The following ASXL3 variants were observed in gnomAD, a reference collection of about 807,000 sequenced individuals.
ASXL3 encodes the protein putative Polycomb group protein ASXL3.
ASXL3 carries 34 observed loss-of-function variants against 170.6 expected under a neutral mutation model. The ratio of observed to expected loss-of-function variants is 0.20; its 90% CI spans 0.15 to 0.27. The LOEUF is 0.27. ASXL3 is among the 10% of genes least tolerant of loss of function. The pLI, the probability that ASXL3 is intolerant of heterozygous loss-of-function variation, is 1.00. For synonymous variants in ASXL3, 1,002 were observed against 989.1 expected (o/e 1.01, Z -0.24); for missense variants, 2,592 against 2,695.3 (o/e 0.96, Z 0.85).
intron 1 of ASXL3, among the ~76,000 whole-genome samples, chr18:33,590,111 G>GTTTTTTTTT (rs567969303): frequency 8.4e-5 from 7 of 83,160 alleles, no homozygotes; most frequent in African/African-American, 2.7e-4. Context: ...TGCTTTCTAT[G>GTTTTTTTTT]TTTTTTTTTT....
At chr18:33,645,705 T>A (rs2065905494) in intron 3 of ASXL3, among the ~76,000 whole-genome samples, 1 of 151,926 alleles carries the variant, frequency 6.6e-6, no homozygotes, top group South Asian at 2.1e-4. Context: ...AAGAAGTCTC[T>A]GCTTTAATAA....
intron 2 of ASXL3, among the ~76,000 whole-genome samples, chr18:33,612,190 T>A (rs2145133173): frequency 6.6e-6 from 1 of 151,876 alleles, no homozygotes. Flanking sequence ...TAAACATATA[T>A]ATATATATAC....
intron 2 of ASXL3, among the ~76,000 whole-genome samples, chr18:33,623,540 G>T (rs2065551221): frequency 6.6e-6 from 1 of 152,046 alleles, no homozygotes; most frequent in Admixed American, 6.6e-5. Flanking sequence ...CTTGAAAAAT[G>T]TTCTGTCAGT....
At chr18:33,728,689 C>G (rs545214187) in intron 8 of ASXL3, among the ~76,000 whole-genome samples, 1 of 152,166 alleles carries the variant, frequency 6.6e-6, no homozygotes, top group Non-Finnish European at 1.5e-5. Flanking sequence ...ACTTTACCTT[C>G]TTAATCCTGA....
intron 7 of ASXL3, among the ~76,000 whole-genome samples, chr18:33,674,257 A>C (rs1362607259): frequency 6.6e-6 from 1 of 152,198 alleles, no homozygotes; most frequent in South Asian, 2.1e-4. Flanking sequence ...AGGGAAATAC[A>C]AGAAATGACA....
chr18:33,667,484 T>C lies in ASXL3; in HGVS notation c.478-3189T>C, dbSNP rs577571401. 2.0e-3 allele frequency among the ~76,000 whole-genome samples: 308 copies of C among 152,330 alleles called. 1 individual carries two copies. The highest frequency in any genetic ancestry group is 3.6e-3 in the Non-Finnish European group (248 of 68,024). On this transcript the variant is annotated intron_variant, in intron 5 of 11. Coordinates refer to ENST00000269197, the MANE Select transcript of ASXL3 (RefSeq NM_030632.3). ...TTCTTTGCTTTCTCTGTAAACTCCCTACTCCTTTTTTCCATCTACTCCGTT... is the reference window on the plus strand; with the variant it reads ...TTCTTTGCTTTCTCTGTAAACTCCCCACTCCTTTTTTCCATCTACTCCGTT...
intron 8 of ASXL3, among the ~76,000 whole-genome samples, chr18:33,718,710 T>G (rs1168302451): frequency 6.6e-6 from 1 of 151,970 alleles, no homozygotes; most frequent in Non-Finnish European, 1.5e-5. Flanking sequence ...TTTCTTTTTT[T>G]TTTTCCTTCA....
chr18:33,612,895 G>A (rs1175671469), intron 2 of ASXL3, among the ~76,000 whole-genome samples: 3 of 151,996 alleles, frequency 2.0e-5, no homozygotes, highest in Non-Finnish European at 1.5e-5. Context: ...TGGTGGTCTA[G>A]TTTGTTTGTG....
rs973871187 is a variant in ASXL3, at chr18:33,729,684, G to C, written c.880-2284G>C. Among the ~76,000 whole-genome samples, 72 of 152,150 alleles carry C rather than the reference G, an allele frequency of 4.7e-4. 1 individual carries two copies. Among genetic ancestry groups the C allele is most frequent in the Non-Finnish European group, 3.2e-4 (22 of 68,018 alleles). On this transcript the variant is annotated intron_variant, in intron 8 of 11. Transcript: ENST00000269197. ...AAGCTTAGTGGATCAGCTATAGGCTGTGCCAGTCTCAAGCTGGTTTTAAGG... is the reference window on the plus strand; with the variant it reads ...AAGCTTAGTGGATCAGCTATAGGCTCTGCCAGTCTCAAGCTGGTTTTAAGG...
chr18:33,616,592 A>C (rs1345325946), intron 2 of ASXL3: 1 of 152,202 alleles, frequency 6.6e-6, no homozygotes, highest in African/African-American at 2.4e-5. Context: ...TCCCAGACTT[A>C]ATTGTGATTG....
rs1301923723 is a variant in ASXL3, at chr18:33,747,689, T to C, written c.*1094T>C. The C allele has an allele frequency of 3.3e-5, 5 of 152,214 alleles. No individual in the cohort carries two copies. Among genetic ancestry groups the C allele is most frequent in the Admixed American group, 2.6e-4 (4 of 15,280 alleles). The allele number at this position is 152,214 out of a possible 1,614,324, so 9.4% of individuals were successfully genotyped here. Reference sequence around the variant, plus strand: ...CGTCAACATTTTTCAGAACAATTGCTTTTCTCATTATTTACAACCTATATA... The same window carrying C: ...CGTCAACATTTTTCAGAACAATTGCCTTTCTCATTATTTACAACCTATATA... On this transcript the variant is annotated 3_prime_UTR_variant, in exon 12 of 12. Coordinates refer to ENST00000269197, the MANE Select transcript of ASXL3 (RefSeq NM_030632.3).
chr18:33,631,814 A>G (rs559422599), intron 2 of ASXL3, among the ~76,000 whole-genome samples: 2 of 152,266 alleles, frequency 1.3e-5, no homozygotes, highest in African/African-American at 4.8e-5. Context: ...TCGAATATAT[A>G]GCCAGGTTGA....
Position 33,684,760 on chromosome 18 carries a change from T to C in ASXL3, c.879+1192T>C, listed in dbSNP as rs145225026. Reference sequence around the variant, plus strand: ...ATTTGTAAATAACCAAAATATGAGTTAGAAACAGGTAAGCTTGAGGGGAAA... The same window carrying C: ...ATTTGTAAATAACCAAAATATGAGTCAGAAACAGGTAAGCTTGAGGGGAAA... On this transcript the variant is annotated intron_variant, in intron 8 of 11. Transcript: ENST00000269197. Among the ~76,000 whole-genome samples, 189 of 152,256 alleles carry C rather than the reference T, an allele frequency of 1.2e-3. 2 individuals are homozygous for C. The highest frequency in any genetic ancestry group is 3.4e-3 in the Middle Eastern group (1 of 294).
At chr18:33,730,136 G>T (rs1473444365) in intron 8 of ASXL3, among the ~76,000 whole-genome samples, 2 of 152,038 alleles carry the variant, frequency 1.3e-5, no homozygotes, top group Non-Finnish European at 2.9e-5. Context: ...GCCATGTTTG[G>T]AGATGTTTTT....
intron 7 of ASXL3, among the ~76,000 whole-genome samples, chr18:33,681,685 A>C (rs1333041148): frequency 6.6e-6 from 1 of 151,842 alleles, no homozygotes; most frequent in African/African-American, 2.4e-5. Context: ...ATGTAGCTTT[A>C]TTTAAGAACT....
At chr18:33,613,528 G>T (rs929626972) in intron 2 of ASXL3, among the ~76,000 whole-genome samples, 1 of 152,042 alleles carries the variant, frequency 6.6e-6, no homozygotes, top group Admixed American at 6.6e-5. Context: ...CAAATTGTTT[G>T]GTTTCCCAGT....
At chr18:33,722,381 G>A (rs1452665309) in intron 8 of ASXL3, among the ~76,000 whole-genome samples, 1 of 152,154 alleles carries the variant, frequency 6.6e-6, no homozygotes, top group East Asian at 1.9e-4. Context: ...GTAATTAAAA[G>A]TGCTACTGCA....
At chr18:33,734,227 A>T in intron 9 of ASXL3, 83 bp from the exon 10 acceptor site, 1 of 866,284 alleles carries the variant, frequency 1.2e-6, no homozygotes, top group South Asian at 2.2e-5. Flanking sequence ...ATAAAAGTTT[A>T]CTCAAATGAA....
At chr18:33,633,435 CTTATAA>C (rs2065711742) in intron 2 of ASXL3, among the ~76,000 whole-genome samples, 1 of 152,116 alleles carries the variant, frequency 6.6e-6, no homozygotes, top group Non-Finnish European at 1.5e-5. Context: ...CATTCAAAAT[CTTATAA>C]TTAAACTAAT....
Sources: gnomAD v4.1 joint callset for allele counts (sites outside exome capture counted in the v4.1 genomes callset) on GRCh38, gnomAD v4.1.1 for gene constraint, MANE v1.5 for transcripts, NCBI Gene and HGNC (gene_info 2026-07-23, HGNC 2026-07-21) for gene names.